Variants in MCOLN3 observed in about 807,000 individuals in gnomAD.
The protein encoded by MCOLN3 is mucolipin TRP cation channel 3.
In MCOLN3, 62 loss-of-function variants were observed where a neutral mutation model predicts 69.4. The ratio of observed to expected loss-of-function variants is 0.89; its 90% CI spans 0.73 to 1.10. The LOEUF is 1.10. Among genes scored for constraint, MCOLN3 ranks in the 50% least tolerant of loss-of-function variants. The pLI, the probability that MCOLN3 is intolerant of heterozygous loss-of-function variation, is 0.00. For synonymous variants in MCOLN3, 183 were observed against 217.0 expected (o/e 0.84, Z 1.38); for missense variants, 564 against 656.4 (o/e 0.86, Z 1.54).
chr1:85,018,458 G>A lies in MCOLN3; in HGVS notation c.*665C>T, dbSNP rs2102911160. On this transcript the variant is annotated 3_prime_UTR_variant, in exon 13 of 13. Transcript: ENST00000370589. Reference sequence around the variant, plus strand: ...AGGCTATACCAAATAGCCTAGGTGTGTAGTAGGCTATACCATCTAGGTTTG... The same window carrying A: ...AGGCTATACCAAATAGCCTAGGTGTATAGTAGGCTATACCATCTAGGTTTG... 1 of 152,394 alleles carries A rather than the reference G, an allele frequency of 6.6e-6. No individual in the cohort carries two copies. Among genetic ancestry groups the A allele is most frequent in the South Asian group, 2.1e-4 (1 of 4,826 alleles). The allele number at this position is 152,394 out of a possible 1,614,324, so 9.4% of individuals were successfully genotyped here.
rs776930920 is a variant in MCOLN3, at chr1:85,026,060, T to A, written c.974A>T (p.Tyr325Phe). The A allele has an allele frequency of 3.7e-6, 6 of 1,602,448 alleles. No homozygotes were observed. The highest frequency in any genetic ancestry group is 5.1e-6 in the Non-Finnish European group (6 of 1,174,288). Reference sequence around the variant, plus strand: ...ATCAGAAACAGAAACTTCCTTCTTATAATGGAGGAGGAAAAAATTGACAAA... The same window carrying A: ...ATCAGAAACAGAAACTTCCTTCTTAAAATGGAGGAGGAAAAAATTGACAAA... ...QEFVNFFLLH[Y>F]KKEVSVSDQM... is the part of the protein sequence containing the mutation. Residue 325 changes from tyrosine (Y) to phenylalanine (F), a missense_variant, in exon 9 of 13, where the codon TAT (tyrosine) becomes TTT (phenylalanine). Transcript: ENST00000370589.
At position 85,032,731 on chromosome 1, in the gene MCOLN3, G is replaced by C; in HGVS notation, c.697C>G (p.Gln233Glu). The C allele has an allele frequency of 6.2e-7, 1 of 1,613,928 alleles. No homozygotes were observed. Among genetic ancestry groups the C allele is most frequent in the Non-Finnish European group, 8.5e-7 (1 of 1,179,766 alleles). ...AAGTCATAACAGTCAGGGAGTTCTT[G>C]ATGACGAACTGTCTGCAGATTAATG... is the stretch of plus-strand genomic sequence containing the variant. Reference protein sequence around the residue: ...KAINLQTVRHQELPDCYDFTL... With the variant: ...KAINLQTVRHEELPDCYDFTL... Residue 233 changes from glutamine (Q) to glutamate (E), a missense_variant, in exon 6 of 13, where the codon CAA (glutamine) becomes GAA (glutamate). Gln to Glu is a conservative substitution (Grantham distance 29). Coordinates refer to ENST00000370589, the MANE Select transcript of MCOLN3 (RefSeq NM_018298.11).
At position 85,026,060 on chromosome 1, in the gene MCOLN3, T is replaced by C. The variant is rs776930920; in HGVS notation, c.974A>G (p.Tyr325Cys). 3 of 1,602,448 alleles carry C rather than the reference T, an allele frequency of 1.9e-6. No homozygotes were observed. The highest frequency in any genetic ancestry group is 2.2e-5 in the East Asian group (1 of 44,728). ...QEFVNFFLLH[Y>C]KKEVSVSDQM... is the part of the protein sequence containing the mutation. ...ATCAGAAACAGAAACTTCCTTCTTA[T>C]AATGGAGGAGGAAAAAATTGACAAA... The change falls in exon 9 of 13, where the codon TAT becomes TGT. Residue 325 changes from tyrosine to cysteine, a missense_variant. Tyr to Cys is a radical substitution (Grantham distance 194, BLOSUM62 -2). Transcript: ENST00000370589.
At chr1:85,022,527 C>T (rs1219332410) in intron 9 of MCOLN3, 127 bp from the exon 10 acceptor site, 16 of 618,034 alleles carry the variant, frequency 2.6e-5, no homozygotes, top group Non-Finnish European at 4.3e-5. Context: ...AAACAAAAGT[C>T]TCTGCTCTCA....
chr1:85,022,429 AT>A, intron 9 of MCOLN3, 29 bp from the exon 10 acceptor site: 1 of 1,452,314 alleles, frequency 6.9e-7, no homozygotes, highest in Non-Finnish European at 9.6e-7. Context: ...ATATAATCAG[AT>A]TATAAAGCAG....
intron 9 of MCOLN3, chr1:85,023,074 CT>C (rs71582943): frequency 0.02 from 1,926 of 97,152 alleles, 24 homozygotes; most frequent in African/African-American, 0.067. Context: ...GATTTTTATT[CT>C]TTTTTTTTTT....
intron 4 of MCOLN3, 41 bp downstream of exon 4, chr1:85,034,057 G>A (rs757490538): frequency 6.3e-7 from 1 of 1,584,878 alleles, no homozygotes; most frequent in African/African-American, 1.3e-5. Context: ...TATAAATTGA[G>A]GTGTTAAAAA....
intron 3 of MCOLN3, among the ~76,000 whole-genome samples, chr1:85,036,186 C>T (rs778901452): frequency 1.8e-4 from 28 of 152,070 alleles, no homozygotes; most frequent in Non-Finnish European, 3.7e-4. Context: ...ATAATAGATA[C>T]TATTTTTGTT....
intron 1 of MCOLN3, chr1:85,047,715 C>T (rs2304641): frequency 0.16 from 24,139 of 152,276 alleles, 2,114 homozygotes; most frequent in East Asian, 0.26. Flanking sequence ...TCCCACTTCA[C>T]CAGACACAAA....
At chr1:85,022,451 G>T (rs768002644) in intron 9 of MCOLN3, 51 bp from the exon 10 acceptor site, 27 of 1,330,510 alleles carry the variant, frequency 2.0e-5, no homozygotes, top group Non-Finnish European at 2.7e-5. Flanking sequence ...AAATTCATTT[G>T]GCAATAAATA....
chr1:85,029,566 C>T lies in MCOLN3; in HGVS notation c.733-361G>A, dbSNP rs140060792. 4.2e-4 allele frequency: 68 copies of T among 161,758 alleles called. 1 individual carries two copies. In the South Asian group the frequency reaches 5.7e-3, roughly 14 times the overall value. 10.0% of individuals were successfully genotyped at this position (161,758 alleles called of 1,614,324 possible). A position where few individuals can be genotyped will look rare whatever the true frequency, so the allele number is the denominator to read the frequency against. On this transcript the variant is annotated intron_variant, in intron 6 of 12. Coordinates refer to ENST00000370589, the MANE Select transcript of MCOLN3 (RefSeq NM_018298.11). ...TACAACTGTGCTTTCTCCCAAATTCCGGCAGGACCTCAGTTAGGGGTAGAT... is the reference window on the plus strand; with the variant it reads ...TACAACTGTGCTTTCTCCCAAATTCTGGCAGGACCTCAGTTAGGGGTAGAT...
rs753229458 is a variant in MCOLN3 at position 85,021,250 on chromosome 1, C to T, written c.1347G>A (p.Glu449=). The T allele has an allele frequency of 5.0e-6, 8 of 1,613,232 alleles. No individual in the cohort carries two copies. Among genetic ancestry groups the T allele is most frequent in the Non-Finnish European group, 6.8e-6 (8 of 1,179,706 alleles). ...DKFRSLNMVS[E]CLFSLINGDD... The stretch of plus-strand genomic sequence containing the variant: ...CTCCATTTATCAGAGAGAAAAGGCA[C>T]TCAGAGACCATGTTCAGAGAACGAA... Residue 449 remains glutamate (E), a synonymous_variant, in exon 12 of 13, where the codon GAG becomes GAA. Coordinates refer to ENST00000370589, the MANE Select transcript of MCOLN3 (RefSeq NM_018298.11).
chr1:85,035,713 C>A (rs1652767329), intron 3 of MCOLN3, among the ~76,000 whole-genome samples: 1 of 152,136 alleles, frequency 6.6e-6, no homozygotes. Context: ...TCAGTCCAAA[C>A]CACCATCCTC....
Position 85,037,792 on chromosome 1 carries a change from A to G in MCOLN3, c.396+3218T>C, listed in dbSNP as rs1571116894. Among the ~76,000 whole-genome samples the G allele has an allele frequency of 2.6e-5, 4 of 152,152 alleles. No individual in the cohort carries two copies. The South Asian group carries it at 8.3e-4, about 32-fold the overall frequency. On this transcript the variant is annotated intron_variant, in intron 3 of 12. Coordinates refer to ENST00000370589, the MANE Select transcript of MCOLN3 (RefSeq NM_018298.11). Reference sequence around the variant, plus strand: ...GTTGGAACTAACTGGTGGAACTAACAATGGTGAGACGGCACAGAGCAGCCA... The same window carrying G: ...GTTGGAACTAACTGGTGGAACTAACGATGGTGAGACGGCACAGAGCAGCCA...
Position 85,045,130 on chromosome 1 carries a change from T to A in MCOLN3, c.228+3A>T, listed in dbSNP as rs749484840. 1 of 1,611,180 alleles carries A rather than the reference T, an allele frequency of 6.2e-7. No homozygotes were observed. Among genetic ancestry groups the A allele is most frequent in the South Asian group, 1.1e-5 (1 of 90,894 alleles). ...CACCAAACTCATGATCTGAGATGCT[T>A]ACCTGGATAGTCACCATTGCAATTT... On this transcript the variant is annotated splice_donor_region_variant and intron_variant, in intron 2 of 12. Transcript: ENST00000370589.
At chr1:85,038,440 C>T (rs1557691436) in intron 3 of MCOLN3, among the ~76,000 whole-genome samples, 2 of 152,232 alleles carry the variant, frequency 1.3e-5, no homozygotes, top group South Asian at 4.2e-4. Context: ...CTCTCACATT[C>T]AAATATAGAA....
intron 9 of MCOLN3, chr1:85,023,175 T>G (rs6684210): frequency 0.99 from 148,746 of 150,854 alleles, 73,367 homozygotes; most frequent in Middle Eastern, 1. Context: ...CGACTTCCTG[T>G]GCTCAAGAAA....
In MCOLN3 at chr1:85,018,683, A is replaced by G. The variant is rs7522239; in HGVS notation, c.*440T>C. On this transcript the variant is annotated 3_prime_UTR_variant, in exon 13 of 13. Transcript: ENST00000370589. ...AAATGCAATGATTACTGTATAAATG[A>G]TAACTACACCCACTCTCTCAAGGAT... The G allele has an allele frequency of 0.83, 129,135 of 155,094 alleles. 53,893 individuals are homozygous for G. Among genetic ancestry groups the G allele is most frequent in the Middle Eastern group, 0.86 (252 of 294 alleles). The allele number at this position is 155,094 out of a possible 1,614,324, so 9.6% of individuals were successfully genotyped here. A position where few individuals can be genotyped will look rare whatever the true frequency, so the allele number is the denominator to read the frequency against.
intron 12 of MCOLN3, 123 bp from the exon 13 acceptor site, chr1:85,019,380 T>TTTGCAGGTACTCAG: frequency 2.2e-6 from 2 of 897,528 alleles, no homozygotes; most frequent in Non-Finnish European, 3.4e-6. Context: ...TCGTTACTCC[T>TTTGCAGGTACTCAG]GAGTACCTGC....
Sources: gnomAD v4.1 joint callset for allele counts (sites outside exome capture counted in the v4.1 genomes callset) on GRCh38, gnomAD v4.1.1 for gene constraint, MANE v1.5 for transcripts, NCBI Gene and HGNC (gene_info 2026-07-23, HGNC 2026-07-21) for gene names.